The following ZNF605 variants were observed in gnomAD, a reference collection of about 807,000 sequenced individuals.
ZNF605 encodes the protein zinc finger protein 605.
A neutral mutation model predicts 7.9 loss-of-function variants in ZNF605; 9 were observed. That is an observed-to-expected ratio of 1.14 (90% confidence interval 0.68 to 1.98). ZNF605 has a LOEUF of 1.98. Among genes scored for constraint, ZNF605 ranks in the 30% most tolerant of loss-of-function variants. ZNF605 has a pLI of 0.00. For synonymous variants in ZNF605, 255 were observed against 260.1 expected, an observed-to-expected ratio of 0.98 and a Z score of 0.19; for missense variants, 673 against 762.4, an observed-to-expected ratio of 0.88 and a Z score of 1.38.
At chr12:132,936,311 G>A (rs1952366562) in intron 3 of ZNF605, among the ~76,000 whole-genome samples, 1 of 152,042 alleles carries the variant, frequency 6.6e-6, no homozygotes, top group African/African-American at 2.4e-5. Flanking sequence ...AGTAGATTAG[G>A]AAAAGATAAA....
In ZNF605 at chr12:132,925,196, G is replaced by A. The variant is rs534604758; in HGVS notation, c.*177C>T. ...TCTGGGAGATGACTTTTTTTACACT[G>A]TTTGCTTTTTAAAAACTTCTCTTTC... On this transcript the variant is annotated 3_prime_UTR_variant, in exon 5 of 5. Transcript: ENST00000360187. 2.1e-5 allele frequency: 11 copies of A among 532,504 alleles called. No homozygotes were observed. The highest frequency in any genetic ancestry group is 7.3e-5 in the Admixed American group (2 of 27,576). The allele number at this position is 532,504 out of a possible 1,614,324, so 33.0% of individuals were successfully genotyped here.
chr12:132,951,475 G>C (rs1042466328), intron 1 of ZNF605, among the ~76,000 whole-genome samples: 1 of 146,060 alleles, frequency 6.8e-6, no homozygotes, highest in Non-Finnish European at 1.5e-5. Flanking sequence ...CATGCACGCA[G>C]ATTCATACAT....
rs1952176749 is a variant in ZNF605 at position 132,918,429 on chromosome 12, C to T, written c.*6944G>A. On this transcript the variant is annotated 3_prime_UTR_variant, in exon 5 of 5. Transcript: ENST00000360187. ...AGAGATTTTCTTTTCAAACAGAGCA[C>T]AGAAGGAAGTGTCAGTAACAGGTCT... 1 of 152,264 alleles carries T rather than the reference C, an allele frequency of 6.6e-6. No individual in the cohort carries two copies. Among genetic ancestry groups the T allele is most frequent in the Non-Finnish European group, 1.5e-5 (1 of 68,070 alleles). 9.4% of individuals were successfully genotyped at this position (152,264 alleles called of 1,614,324 possible).
At chr12:132,938,975 T>C (rs747062255) in intron 3 of ZNF605, among the ~76,000 whole-genome samples, 26 of 151,722 alleles carry the variant, frequency 1.7e-4, no homozygotes, top group Admixed American at 3.9e-4. Flanking sequence ...TCACCGAGCC[T>C]TAGCTGCCTC....
In ZNF605 at chr12:132,920,183, A is replaced by T. The variant is rs1377368975; in HGVS notation, c.*5190T>A. 1 of 150,614 alleles carries T rather than the reference A, an allele frequency of 6.6e-6. No individual in the cohort carries two copies. Among genetic ancestry groups the T allele is most frequent in the African/African-American group, 2.5e-5 (1 of 40,626 alleles). 9.3% of individuals were successfully genotyped at this position (150,614 alleles called of 1,614,324 possible). A position where few individuals can be genotyped will look rare whatever the true frequency, so the allele number is the denominator to read the frequency against. ...GAGACAGAGCCTCGCTCTATCACCC[A>T]GGCTGGAGTGCAGTGGTGTGATCTT... On this transcript the variant is annotated 3_prime_UTR_variant, in exon 5 of 5. Coordinates refer to ENST00000360187, the MANE Select transcript of ZNF605 (RefSeq NM_183238.4).
Position 132,926,658 on chromosome 12 carries a change from A to G in ZNF605, c.641T>C (p.Val214Ala). ...TTCTCCTGAGTGAGTTCTTTGATGAACCGTGAGCAGTGACTTCTGTGAAAA... is the reference window on the plus strand; with the variant it reads ...TTCTCCTGAGTGAGTTCTTTGATGAGCCGTGAGCAGTGACTTCTGTGAAAA... ...KAFSQKSLLT[V>A]HQRTHSGEKP... The change falls in exon 5 of 5, where the codon GTT becomes GCT. Residue 214 changes from valine to alanine, a missense_variant. Transcript: ENST00000360187. The G allele has an allele frequency of 6.2e-7, 1 of 1,612,804 alleles. No individual in the cohort carries two copies. The highest frequency in any genetic ancestry group is 1.1e-5 in the South Asian group (1 of 90,926).
At chr12:132,953,496 G>A (rs745922490) in intron 1 of ZNF605, among the ~76,000 whole-genome samples, 1,764 of 152,222 alleles carry the variant, frequency 0.012, 41 homozygotes, top group African/African-American at 0.041. Flanking sequence ...GCAAAATCTC[G>A]GTTCACTGCA....
chr12:132,927,385 G>C (rs1356190211), intron 4 of ZNF605, among the ~76,000 whole-genome samples: 2 of 151,864 alleles, frequency 1.3e-5, no homozygotes, highest in Non-Finnish European at 2.9e-5. Flanking sequence ...ATATTTTTTT[G>C]AGATGGAGTC....
intron 4 of ZNF605, among the ~76,000 whole-genome samples, chr12:132,928,045 A>G (rs1004920741): frequency 2.0e-5 from 3 of 152,222 alleles, no homozygotes; most frequent in African/African-American, 7.2e-5. Context: ...TTCCAATCAA[A>G]TACTGAAGTG....
At chr12:132,939,738 CT>C (rs1317484088) in intron 3 of ZNF605, among the ~76,000 whole-genome samples, 4 of 152,204 alleles carry the variant, frequency 2.6e-5, no homozygotes, top group African/African-American at 9.7e-5. Flanking sequence ...ACTGTGCAGG[CT>C]TTGTTCTTTC....
Position 132,922,563 on chromosome 12 carries a change from T to A in ZNF605, c.*2810A>T, listed in dbSNP as rs1406544868. The A allele has an allele frequency of 6.6e-6, 1 of 152,248 alleles. No homozygotes were observed. The highest frequency in any genetic ancestry group is 1.5e-5 in the Non-Finnish European group (1 of 68,046). 9.4% of individuals were successfully genotyped at this position (152,248 alleles called of 1,614,324 possible). On this transcript the variant is annotated 3_prime_UTR_variant, in exon 5 of 5. Transcript: ENST00000360187. ...GTACTGATAACTGATTATCACAATT[T>A]TATTAAATGCTCATCATTTAACAGA... is the stretch of plus-strand genomic sequence containing the variant.
At chr12:132,939,486 G>C (rs1272990443) in intron 3 of ZNF605, among the ~76,000 whole-genome samples, 1 of 152,100 alleles carries the variant, frequency 6.6e-6, no homozygotes, top group African/African-American at 2.4e-5. Flanking sequence ...TTGACACTCT[G>C]TATCTAGCTG....
At position 132,922,040 on chromosome 12, in the gene ZNF605, G is replaced by A. The variant is rs191050724; in HGVS notation, c.*3333C>T. The stretch of plus-strand genomic sequence containing the variant: ...AAGGTGGTGTGGATTCGTGGACGAA[G>A]TCTCTAACGTAATCTTGACTACTGA... On this transcript the variant is annotated 3_prime_UTR_variant, in exon 5 of 5. Coordinates refer to ENST00000360187, the MANE Select transcript of ZNF605 (RefSeq NM_183238.4). 1.1e-4 allele frequency: 16 copies of A among 152,324 alleles called. No homozygotes were observed. In the East Asian group the frequency reaches 2.9e-3, roughly 28 times the overall value. 9.4% of individuals were successfully genotyped at this position (152,324 alleles called of 1,614,324 possible).
In ZNF605 at chr12:132,933,395, G is replaced by A. The variant is rs1952325574; in HGVS notation, c.16-240C>T. 6.6e-6 allele frequency among the ~76,000 whole-genome samples: 1 copy of A among 152,160 alleles called. No individual in the cohort carries two copies. The highest frequency in any genetic ancestry group is 1.5e-5 in the Non-Finnish European group (1 of 68,014). On this transcript the variant is annotated intron_variant, in intron 3 of 4. Coordinates refer to ENST00000360187, the MANE Select transcript of ZNF605 (RefSeq NM_183238.4). The surrounding 1 kb of genome is among the most constrained non-coding windows in gnomAD (Gnocchi z 4.4). ...TTCCAAGACTAGGTTAGAAAGAAAT[G>A]CAACTTCTATCCTGGGCACTCTCTC...
At chr12:132,950,728 TCA>T (rs61304331) in intron 1 of ZNF605, among the ~76,000 whole-genome samples, 3 of 150,884 alleles carry the variant, frequency 2.0e-5, no homozygotes, top group Non-Finnish European at 3.0e-5. Context: ...GATATGTACA[TCA>T]CACAGACATG....
At chr12:132,929,145 T>G (rs1316046082) in intron 4 of ZNF605, among the ~76,000 whole-genome samples, 1 of 152,012 alleles carries the variant, frequency 6.6e-6, no homozygotes, top group Non-Finnish European at 1.5e-5. Context: ...CGGTGACTGA[T>G]GCCTGGAATC....
intron 1 of ZNF605, among the ~76,000 whole-genome samples, chr12:132,953,425 T>G (rs1952593675): frequency 1.3e-5 from 2 of 152,256 alleles, no homozygotes; most frequent in East Asian, 3.9e-4. Flanking sequence ...CAAAGGCCAC[T>G]AACTTATTAT....
At chr12:132,954,833 C>T (rs1952618399) in intron 1 of ZNF605, among the ~76,000 whole-genome samples, 1 of 152,044 alleles carries the variant, frequency 6.6e-6, no homozygotes, top group African/African-American at 2.4e-5. Context: ...GTTGTCCACG[C>T]ACTCACAACT....
chr12:132,933,020 T>C lies in ZNF605; in HGVS notation c.136+15A>G. The C allele has an allele frequency of 6.4e-7, 1 of 1,569,490 alleles. No homozygotes were observed. The highest frequency in any genetic ancestry group is 8.7e-7 in the Non-Finnish European group (1 of 1,155,788). On this transcript the variant is annotated intron_variant, in intron 4 of 4. Coordinates refer to ENST00000360187, the MANE Select transcript of ZNF605 (RefSeq NM_183238.4). This position sits in a 1 kb window ranked among gnomAD's most constrained non-coding sequence, Gnocchi z 4.4. ...GTTACTGGCCATACACTAAGTTACA[T>C]AAGAATGTTCTTACCCAAGAAAACC...
Sources: allele counts gnomAD v4.1 joint callset (sites outside exome capture counted in the v4.1 genomes callset), GRCh38; gene constraint gnomAD v4.1.1; non-coding constraint Gnocchi (gnomAD v3.1); transcripts MANE v1.5; gene names NCBI Gene and HGNC (gene_info 2026-07-23, HGNC 2026-07-21).